PARVG: variants seen among roughly 807,000 people sequenced by gnomAD.
PARVG encodes parvin gamma.
In PARVG, 36 loss-of-function variants were observed where a neutral mutation model predicts 44.4. That is an observed-to-expected ratio of 0.81 (90% CI 0.62 to 1.07). The LOEUF is 1.07. PARVG is among the 50% of genes least tolerant of loss of function. The pLI, the probability that PARVG is intolerant of heterozygous loss-of-function variation, is 0.00. For missense variants in PARVG, 407 were observed against 407.4 expected, an observed-to-expected ratio of 1.00 and a Z score of 0.01; for synonymous variants, 170 against 174.1, an observed-to-expected ratio of 0.98 and a Z score of 0.19.
At chr22:44,205,580 G>T (rs1316158566) in intron 12 of PARVG, among the ~76,000 whole-genome samples, 177 bp from the exon 13 acceptor site, 2 of 152,240 alleles carry the variant, frequency 1.3e-5, no homozygotes, top group Non-Finnish European at 2.9e-5. Context: ...AGAGTGAGCT[G>T]TAGGGAGATG....
chr22:44,199,309 C>T lies in PARVG; in HGVS notation c.813+587C>T, dbSNP rs367786747. Among the ~76,000 whole-genome samples, 10 of 152,156 alleles carry T rather than the reference C, an allele frequency of 6.6e-5. No homozygotes were observed. In the East Asian group the frequency reaches 7.8e-4, roughly 12 times the overall value. Reference sequence around the variant, plus strand: ...TTCATTCATCCATCCACTTGCCTACCGGTCCATTCACCTGCTTGTCCTGTC... The same window carrying T: ...TTCATTCATCCATCCACTTGCCTACTGGTCCATTCACCTGCTTGTCCTGTC... On this transcript the variant is annotated intron_variant, in intron 12 of 13. Coordinates refer to ENST00000444313, the MANE Select transcript of PARVG (RefSeq NM_022141.7).
intron 7 of PARVG, among the ~76,000 whole-genome samples, chr22:44,191,738 C>G (rs2054551561): frequency 2.6e-5 from 4 of 152,134 alleles, no homozygotes; most frequent in African/African-American, 7.2e-5. Flanking sequence ...AATTCCCTAC[C>G]AAGCAGTTGT....
chr22:44,192,580 GC>G (rs199703947), intron 8 of PARVG, among the ~76,000 whole-genome samples: 1,992 of 151,732 alleles, frequency 0.013, 26 homozygotes, highest in Middle Eastern at 0.028. Flanking sequence ...CCTGCTCCCT[GC>G]CCACTGGGGC....
rs1355253339 is a variant in PARVG at position 44,205,818 on chromosome 22, T to G, written c.875T>G (p.Val292Gly). The G allele has an allele frequency of 6.2e-7, 1 of 1,613,268 alleles. No homozygotes were observed. Among genetic ancestry groups the G allele is most frequent in the Non-Finnish European group, 8.5e-7 (1 of 1,179,942 alleles). Reference protein sequence around the residue: ...LKDEGLLSCPVSPEDIVNKDA... With the variant: ...LKDEGLLSCPGSPEDIVNKDA... The stretch of plus-strand genomic sequence containing the variant: ...GACGAGGGCCTGCTCAGCTGCCCTG[T>G]CAGCCCTGAAGGTGAGTGCAAGGCA... The change falls in exon 13 of 14, where the codon GTC (valine) becomes GGC (glycine). Residue 292 changes from valine to glycine, a missense_variant. Val to Gly is a moderately radical substitution (Grantham distance 109). Transcript: ENST00000444313.
At chr22:44,201,261 G>A (rs1161941957) in intron 12 of PARVG, among the ~76,000 whole-genome samples, 2 of 152,110 alleles carry the variant, frequency 1.3e-5, no homozygotes, top group East Asian at 3.9e-4. Flanking sequence ...TGCCTCTCCT[G>A]GCCCTCTCCC....
upstream of PARVG, among the ~76,000 whole-genome samples, chr22:44,177,479 TC>T (rs1226870887): frequency 1.3e-5 from 2 of 152,206 alleles, no homozygotes; most frequent in Non-Finnish European, 2.9e-5. Flanking sequence ...GAATGAGTTG[TC>T]CCATCTCTCC....
At chr22:44,205,394 A>G (rs1415630240) in intron 12 of PARVG, among the ~76,000 whole-genome samples, 1 of 152,170 alleles carries the variant, frequency 6.6e-6, no homozygotes, top group Non-Finnish European at 1.5e-5. Flanking sequence ...ACTCACCACC[A>G]GGCTTCACCT....
intron 2 of PARVG, 142 bp from the exon 3 acceptor site, chr22:44,183,176 C>G (rs1003602484): frequency 1.4e-6 from 1 of 697,212 alleles, no homozygotes; most frequent in Middle Eastern, 3.2e-4. Context: ...GCCCGTACCC[C>G]CTGCCTAGGC....
intron 7 of PARVG, among the ~76,000 whole-genome samples, chr22:44,191,052 A>C (rs891793262): frequency 6.6e-6 from 1 of 152,212 alleles, no homozygotes; most frequent in African/African-American, 2.4e-5. Flanking sequence ...TGCTCTCACC[A>C]TGAGGGTACT....
At chr22:44,185,933 C>T in intron 4 of PARVG, 61 bp downstream of exon 4, 1 of 1,521,438 alleles carries the variant, frequency 6.6e-7, no homozygotes, top group Non-Finnish European at 9.0e-7. Context: ...AGGCAGCGGC[C>T]TCCACGGGGC....
chr22:44,188,228 A>G (rs2054501606), intron 5 of PARVG: 2 of 274,322 alleles, frequency 7.3e-6, no homozygotes, highest in Non-Finnish European at 1.4e-5. Flanking sequence ...CTAGGCTGCT[A>G]GAGAGAAAAC....
chr22:44,192,079 T>A lies in PARVG; in HGVS notation c.535T>A (p.Leu179Met). 6.2e-7 allele frequency: 1 copy of A among 1,613,620 alleles called. No homozygotes were observed. Among genetic ancestry groups the A allele is most frequent in the Non-Finnish European group, 8.5e-7 (1 of 1,179,962 alleles). The change falls in exon 8 of 14, where the codon TTG becomes ATG. Residue 179 changes from leucine (L) to methionine (M), a missense_variant. By Grantham distance (15) the Leu-to-Met change is conservative. Transcript: ENST00000444313. ...STKSGLKSEK[L>M]VEQLTEYSTD... ...CAAAAGTGGTCTGAAGTCAGAGAAG[T>A]TGGTGGAACAGCTCACTGAATACAG...
At chr22:44,201,912 G>A (rs1375085856) in intron 12 of PARVG, among the ~76,000 whole-genome samples, 1 of 152,262 alleles carries the variant, frequency 6.6e-6, no homozygotes, top group East Asian at 1.9e-4. Context: ...CCAGGCAGAA[G>A]GCATGAGGCC....
intron 11 of PARVG, among the ~76,000 whole-genome samples, chr22:44,197,854 A>G (rs1215903716): frequency 6.6e-6 from 1 of 152,222 alleles, no homozygotes; most frequent in African/African-American, 2.4e-5. Context: ...TTATGTGGGT[A>G]TAAACAGGAT....
chr22:44,178,439 G>A (rs2054338757), upstream of PARVG, among the ~76,000 whole-genome samples: 1 of 152,176 alleles, frequency 6.6e-6, no homozygotes, highest in Non-Finnish European at 1.5e-5. Flanking sequence ...CAGAGATTAC[G>A]CTTATTAAAA....
intron 11 of PARVG, 30 bp downstream of exon 11, chr22:44,196,445 AG>A (rs2054618910): frequency 6.2e-7 from 1 of 1,612,728 alleles, no homozygotes; most frequent in African/African-American, 1.3e-5. Flanking sequence ...GTCCCCAGGC[AG>A]GGCAGGGCCA....
chr22:44,186,843 T>C, intron 4 of PARVG: 3 of 366,378 alleles, frequency 8.2e-6, no homozygotes, highest in Non-Finnish European at 1.7e-5. Context: ...TAGAGCAAGT[T>C]CAGTGCATTC....
intron 1 of PARVG, among the ~76,000 whole-genome samples, chr22:44,174,566 A>T (rs2147209965): frequency 6.6e-6 from 1 of 151,638 alleles, no homozygotes; most frequent in Non-Finnish European, 1.5e-5. Flanking sequence ...AACAAAAAAA[A>T]AAACCCACAA....
rs188795628 is a variant in PARVG, at chr22:44,191,005, T to G, written c.504+339T>G. On this transcript the variant is annotated intron_variant, in intron 7 of 13. Transcript: ENST00000444313. ...TGAGCCATGCGTGGCCGTCCGTTCA[T>G]TGCCACGGGGAGCCTTCACGCCCTG... Among the ~76,000 whole-genome samples, 93 of 152,304 alleles carry G rather than the reference T, an allele frequency of 6.1e-4. No homozygotes were observed. The East Asian group carries it at 0.017, about 28-fold the overall frequency.
Sources: allele counts gnomAD v4.1 joint callset (sites outside exome capture counted in the v4.1 genomes callset), GRCh38; gene constraint gnomAD v4.1.1; transcripts MANE v1.5; gene names NCBI Gene and HGNC (gene_info 2026-07-23, HGNC 2026-07-21).